The following PLCL1 variants were observed in gnomAD, a reference collection of about 807,000 sequenced individuals.
PLCL1 encodes the protein phospholipase C like 1 (inactive).
In PLCL1, 41 loss-of-function variants were observed where a neutral mutation model predicts 84.4. That is an observed-to-expected ratio of 0.49 (90% CI 0.38 to 0.63). The LOEUF is 0.63. Ranked by LOEUF, PLCL1 falls within the 30% of genes least tolerant of loss-of-function variation. The pLI is 0.00. For missense variants in PLCL1, 1,206 were observed against 1,367.8 expected (o/e 0.88, Z 1.87); for synonymous variants, 490 against 488.3 (o/e 1.00, Z -0.05).
At chr2:197,852,851 G>A (rs1687265040) in intron 1 of PLCL1, among the ~76,000 whole-genome samples, 1 of 152,062 alleles carries the variant, frequency 6.6e-6, no homozygotes, top group African/African-American at 2.4e-5. Context: ...CTGTCTATCT[G>A]TATAAATTTT....
intron 1 of PLCL1, among the ~76,000 whole-genome samples, chr2:197,886,404 T>A (rs1687922290): frequency 1.5e-5 from 1 of 64,988 alleles, no homozygotes; most frequent in African/African-American, 5.7e-5. Flanking sequence ...AGAATGAGAC[T>A]CTGTCTCAAA....
chr2:197,875,347 A>G (rs1444445108), intron 1 of PLCL1, among the ~76,000 whole-genome samples: 1 of 152,182 alleles, frequency 6.6e-6, no homozygotes, highest in Non-Finnish European at 1.5e-5. Flanking sequence ...ACTAAACTAT[A>G]GATGGGATAA....
chr2:197,944,025 G>A (rs1421334825), intron 1 of PLCL1, among the ~76,000 whole-genome samples: 1 of 151,848 alleles, frequency 6.6e-6, no homozygotes, highest in East Asian at 1.9e-4. Context: ...TTCTCTTCTT[G>A]GTTTATTCCT....
At chr2:197,807,616 T>C (rs1275430918) in intron 1 of PLCL1, among the ~76,000 whole-genome samples, 1 of 152,146 alleles carries the variant, frequency 6.6e-6, no homozygotes, top group Admixed American at 6.6e-5. Flanking sequence ...CAAAAAAAGT[T>C]TAGATCATAT....
At chr2:198,046,622 G>C (rs1272160014) in intron 1 of PLCL1, among the ~76,000 whole-genome samples, 1 of 152,140 alleles carries the variant, frequency 6.6e-6, no homozygotes, top group African/African-American at 2.4e-5. Context: ...TGGATCACTT[G>C]AGCTCAGGAG....
chr2:197,921,434 G>C (rs1241259265), intron 1 of PLCL1, among the ~76,000 whole-genome samples: 2 of 152,080 alleles, frequency 1.3e-5, no homozygotes, highest in African/African-American at 4.8e-5. Context: ...TGGTAAGAAT[G>C]TATGCCTTGA....
At position 197,804,921 on chromosome 2, in the gene PLCL1, G is replaced by A; in HGVS notation, c.-179G>A. 2 of 597,934 alleles carry A rather than the reference G, an allele frequency of 3.3e-6. No homozygotes were observed. Among genetic ancestry groups the A allele is most frequent in the Non-Finnish European group, 2.7e-6 (1 of 369,442 alleles). The allele number at this position is 597,934 out of a possible 1,614,324, so 37.0% of individuals were successfully genotyped here. On this transcript the variant is annotated 5_prime_UTR_variant, in exon 1 of 6. Coordinates refer to ENST00000428675, the MANE Select transcript of PLCL1 (RefSeq NM_006226.4). The stretch of plus-strand genomic sequence containing the variant: ...AGCCCGAGGACGTCTCTGCCCGAGC[G>A]ATGTCCCCTCTCCAGAAAGTTGCCG...
chr2:198,118,671 A>G lies in PLCL1; in HGVS notation c.3105+14735A>G, dbSNP rs991930194. Among the ~76,000 whole-genome samples, 5 of 152,084 alleles carry G rather than the reference A, an allele frequency of 3.3e-5. No homozygotes were observed. The South Asian group carries it at 8.3e-4, about 25-fold the overall frequency. ...TTTCTTTTTTGCAGCATAAGGTTTA[A>G]CAGTCTAATCCCTGAATTGGCCAGA... On this transcript the variant is annotated intron_variant, in intron 5 of 5. Coordinates refer to ENST00000428675, the MANE Select transcript of PLCL1 (RefSeq NM_006226.4).
At chr2:197,915,828 C>T (rs1435415688) in intron 1 of PLCL1, among the ~76,000 whole-genome samples, 1 of 152,108 alleles carries the variant, frequency 6.6e-6, no homozygotes, top group Non-Finnish European at 1.5e-5. Flanking sequence ...GAGAGAGATA[C>T]AGAGATGAAG....
intron 1 of PLCL1, among the ~76,000 whole-genome samples, chr2:198,073,715 A>C (rs1019801538): frequency 6.6e-6 from 1 of 152,216 alleles, no homozygotes; most frequent in Non-Finnish European, 1.5e-5. Context: ...GTTGCAAAAG[A>C]AAGATTCAAT....
At chr2:197,979,858 C>G (rs571145084) in intron 1 of PLCL1, among the ~76,000 whole-genome samples, 1 of 152,310 alleles carries the variant, frequency 6.6e-6, no homozygotes, top group East Asian at 1.9e-4. Context: ...GTGCCTTTCC[C>G]TACTTCCTCA....
intron 1 of PLCL1, among the ~76,000 whole-genome samples, chr2:198,000,146 AGATGATGCCAG>A (rs1690567085): frequency 6.6e-6 from 1 of 152,190 alleles, no homozygotes; most frequent in Non-Finnish European, 1.5e-5. Context: ...CCTAAAAGAA[AGATGATGCCAG>A]GGTAGTTAAG....
chr2:198,123,894 C>T (rs1469667289), intron 5 of PLCL1, among the ~76,000 whole-genome samples: 1 of 152,064 alleles, frequency 6.6e-6, no homozygotes, highest in Non-Finnish European at 1.5e-5. Context: ...ATGCACCCCT[C>T]TCCAGCCCCC....
chr2:198,019,826 C>G (rs1691090416), intron 1 of PLCL1, among the ~76,000 whole-genome samples: 1 of 152,178 alleles, frequency 6.6e-6, no homozygotes, highest in Non-Finnish European at 1.5e-5. Context: ...AGGATATTAT[C>G]CAGGAGAACT....
At chr2:198,134,487 C>A (rs1425132830) in intron 5 of PLCL1, among the ~76,000 whole-genome samples, 1 of 152,118 alleles carries the variant, frequency 6.6e-6, no homozygotes, top group East Asian at 1.9e-4. Flanking sequence ...TTAGAAATAT[C>A]TTGCTAATAA....
chr2:198,088,193 A>G (rs1174178230), intron 2 of PLCL1, among the ~76,000 whole-genome samples: 1 of 152,314 alleles, frequency 6.6e-6, no homozygotes, highest in East Asian at 1.9e-4. Flanking sequence ...TTGATAGTTC[A>G]TATTATCTTA....
chr2:198,027,146 T>C (rs2105845264), intron 1 of PLCL1, among the ~76,000 whole-genome samples: 1 of 152,222 alleles, frequency 6.6e-6, no homozygotes, highest in African/African-American at 2.4e-5. Context: ...GAAAATATGG[T>C]ATATATACAC....
At chr2:198,097,380 T>C (rs952901757) in intron 3 of PLCL1, among the ~76,000 whole-genome samples, 4 of 152,186 alleles carry the variant, frequency 2.6e-5, no homozygotes, top group Non-Finnish European at 4.4e-5. Context: ...GTTGGCTTTT[T>C]TTTGTGGAAT....
intron 1 of PLCL1, among the ~76,000 whole-genome samples, chr2:197,941,014 TA>T (rs1204736607): frequency 1.1e-4 from 17 of 151,450 alleles, no homozygotes; most frequent in African/African-American, 1.9e-4. Context: ...CTTTTTAAGT[TA>T]AAAAAAAACT....
Sources: gnomAD v4.1 joint callset for allele counts (sites outside exome capture counted in the v4.1 genomes callset) on GRCh38, gnomAD v4.1.1 for gene constraint, MANE v1.5 for transcripts, NCBI Gene and HGNC (gene_info 2026-07-23, HGNC 2026-07-21) for gene names.